FARP1: variants seen among roughly 807,000 people sequenced by gnomAD.
FARP1 encodes the protein FERM, ARH/RhoGEF and pleckstrin domain protein 1, also known as FERM, ARHGEF and pleckstrin domain-containing protein 1.
A neutral mutation model predicts 128.8 loss-of-function variants in FARP1; 52 were observed. The ratio of observed to expected loss-of-function variants is 0.40; its 90% confidence interval spans 0.32 to 0.51. The LOEUF (loss-of-function observed/expected upper bound fraction) is 0.51, where lower values mean the gene tolerates loss of function less well. FARP1 is among the 20% of genes least tolerant of loss of function. The pLI is 0.45. For synonymous variants in FARP1, 580 were observed against 551.8 expected (o/e 1.05, Z -0.72); for missense variants, 1,333 against 1,367.9 (o/e 0.97, Z 0.40).
chr13:98,431,650 C>G (rs1398136660), intron 18 of FARP1: 1 of 166,226 alleles, frequency 6.0e-6, no homozygotes, highest in South Asian at 1.5e-4. Context: ...TTAGTAGAGA[C>G]GGGGTTTCAC....
Position 98,449,060 on chromosome 13 carries a change from G to C in FARP1, c.*743G>C, listed in dbSNP as rs1225161651. On this transcript the variant is annotated 3_prime_UTR_variant, in exon 27 of 27. Transcript: ENST00000319562. ...GCAATACCTGGACTGTCACCGTCCT[G>C]TGAGTGGTGTACACAATGGGAAGAT... is the stretch of plus-strand genomic sequence containing the variant. The C allele has an allele frequency of 6.6e-6, 1 of 152,214 alleles. No homozygotes were observed. Among genetic ancestry groups the C allele is most frequent in the Non-Finnish European group, 1.5e-5 (1 of 68,068 alleles). The allele number at this position is 152,214 out of a possible 1,614,324, so 9.4% of individuals were successfully genotyped here.
chr13:98,317,762 G>C (rs1481149941), intron 2 of FARP1, among the ~76,000 whole-genome samples: 1 of 152,170 alleles, frequency 6.6e-6, no homozygotes. Context: ...CAAGATCAAG[G>C]TGTTGGCCAA....
At chr13:98,279,011 A>G (rs951289480) in intron 2 of FARP1, among the ~76,000 whole-genome samples, 1 of 111,156 alleles carries the variant, frequency 9.0e-6, no homozygotes, top group Non-Finnish European at 1.8e-5. Flanking sequence ...TTTTTTTTGT[A>G]TTTTTAGTAG....
intron 3 of FARP1, among the ~76,000 whole-genome samples, chr13:98,363,196 A>G (rs553451583): frequency 1.3e-4 from 19 of 151,962 alleles, no homozygotes; most frequent in Admixed American, 1.0e-3. Context: ...CCTCTTCCTG[A>G]CCCACCAGCC....
intron 13 of FARP1, chr13:98,400,139 A>C (rs1379821155): frequency 2.0e-5 from 3 of 152,218 alleles, no homozygotes; most frequent in Non-Finnish European, 4.4e-5. Flanking sequence ...TTTATTCTCA[A>C]GAACTTATTT....
chr13:98,429,861 T>C (rs1423123359), intron 17 of FARP1, among the ~76,000 whole-genome samples: 1 of 152,204 alleles, frequency 6.6e-6, no homozygotes, highest in Non-Finnish European at 1.5e-5. Flanking sequence ...CAAAAACAAG[T>C]CAATTACAAA....
At chr13:98,390,527 A>T (rs903530342) in intron 10 of FARP1, 5 of 444,290 alleles carry the variant, frequency 1.1e-5, no homozygotes, top group Non-Finnish European at 2.0e-5. Context: ...TGCCTTCACT[A>T]AAGGCACAGG....
intron 2 of FARP1, among the ~76,000 whole-genome samples, chr13:98,268,072 G>A (rs1391560216): frequency 6.6e-6 from 1 of 152,150 alleles, no homozygotes; most frequent in Non-Finnish European, 1.5e-5. Context: ...GCTGCAGAAC[G>A]GAAACTCTGT....
chr13:98,372,593 C>T (rs1889398557), intron 5 of FARP1, among the ~76,000 whole-genome samples: 1 of 152,136 alleles, frequency 6.6e-6, no homozygotes, highest in African/African-American at 2.4e-5. Flanking sequence ...TCTTAGACTG[C>T]AGGAGAATTC....
rs766188799 is a variant in FARP1, at chr13:98,306,078, G to A, written c.172-37684G>A. ...GGGTTGGTCACTGATCATGCATAAC[G>A]TGCATCTGTATTTCATGGAGTGATG... On this transcript the variant is annotated intron_variant, in intron 2 of 26. Transcript: ENST00000319562. 1.3e-4 allele frequency among the ~76,000 whole-genome samples: 20 copies of A among 152,282 alleles called. No individual in the cohort carries two copies. In the East Asian group the frequency reaches 2.1e-3, roughly 16 times the overall value.
intron 3 of FARP1, among the ~76,000 whole-genome samples, chr13:98,351,949 A>G (rs1405768435): frequency 6.6e-6 from 1 of 152,226 alleles, no homozygotes; most frequent in African/African-American, 2.4e-5. Flanking sequence ...TTTGGAAGGG[A>G]CAAATACCCA....
At chr13:98,151,819 G>C (rs1411578081) in intron 1 of FARP1, among the ~76,000 whole-genome samples, 1 of 151,606 alleles carries the variant, frequency 6.6e-6, no homozygotes, top group African/African-American at 2.4e-5. Flanking sequence ...ACGCCACCAC[G>C]CCCGGCTAAT....
intron 1 of FARP1, among the ~76,000 whole-genome samples, chr13:98,177,663 A>T (rs529841946): frequency 9.6e-6 from 1 of 104,148 alleles, no homozygotes; most frequent in South Asian, 3.4e-4. Flanking sequence ...AAAAAAAAAA[A>T]ACCAAAAAAA....
At chr13:98,220,387 C>T (rs1369729478) in intron 2 of FARP1, among the ~76,000 whole-genome samples, 10 of 152,168 alleles carry the variant, frequency 6.6e-5, no homozygotes, top group Non-Finnish European at 1.3e-4. Context: ...CTTTTGCCGC[C>T]GCTTAAGCAG....
chr13:98,196,437 G>A (rs1351508143), intron 1 of FARP1, among the ~76,000 whole-genome samples: 2 of 152,142 alleles, frequency 1.3e-5, no homozygotes, highest in African/African-American at 2.4e-5. Context: ...GTCTAATGGC[G>A]GTTGTGAGGA....
At chr13:98,254,965 T>A (rs1486495976) in intron 2 of FARP1, among the ~76,000 whole-genome samples, 2 of 151,970 alleles carry the variant, frequency 1.3e-5, no homozygotes, top group African/African-American at 4.8e-5. Context: ...TTAAAGGTTA[T>A]TTTGCATTGA....
rs183800878 is a variant in FARP1, at chr13:98,453,094, G to A, written c.*4777G>A. ...GCACCTCTTCGGTGGAGTCAGCGAA[G>A]GCTCTCGTTGACTTTTAAAAAAGGA... On this transcript the variant is annotated 3_prime_UTR_variant, in exon 27 of 27. Coordinates refer to ENST00000319562, the MANE Select transcript of FARP1 (RefSeq NM_005766.4). 9.7e-4 allele frequency: 1,497 copies of A among 1,546,162 alleles called. 19 individuals carry two copies. The highest frequency in any genetic ancestry group is 5.0e-5 in the Non-Finnish European group (56 of 1,125,146).
intron 4 of FARP1, among the ~76,000 whole-genome samples, chr13:98,366,254 A>G (rs941275453): frequency 3.9e-5 from 6 of 152,324 alleles, no homozygotes; most frequent in African/African-American, 1.2e-4. Context: ...ACTTACAGCA[A>G]TTGATGTGGA....
At chr13:98,248,324 G>T (rs1441707643) in intron 2 of FARP1, among the ~76,000 whole-genome samples, 2 of 152,166 alleles carry the variant, frequency 1.3e-5, no homozygotes, top group Non-Finnish European at 2.9e-5. Flanking sequence ...GACACTGAGG[G>T]TAGAGGGAGG....
Sources: gnomAD v4.1 joint callset for allele counts (sites outside exome capture counted in the v4.1 genomes callset) on GRCh38, gnomAD v4.1.1 for gene constraint, MANE v1.5 for transcripts, NCBI Gene and HGNC (gene_info 2026-07-23, HGNC 2026-07-21) for gene names.